The following RANBP2 variants were observed in gnomAD, a reference collection of about 807,000 sequenced individuals.
RANBP2 encodes RAN binding protein 2.
Under a neutral mutation model 303.6 loss-of-function variants are expected in RANBP2, and 57 were observed. The observed-to-expected ratio is 0.19, with a 90% CI of 0.15 to 0.23. The LOEUF (loss-of-function observed/expected upper bound fraction) is 0.23, where lower values mean the gene tolerates loss of function less well. Ranked by LOEUF, RANBP2 falls within the 10% of genes least tolerant of loss-of-function variation. RANBP2 has a pLI of 1.00. For synonymous variants in RANBP2, 1,167 were observed against 1,301.5 expected, an observed-to-expected ratio of 0.90 and a Z score of 2.23; for missense variants, 3,138 against 3,780.8, an observed-to-expected ratio of 0.83 and a Z score of 4.46.
At chr2:108,738,202 A>C (rs1436971775) in intron 6 of RANBP2, among the ~76,000 whole-genome samples, 2 of 151,210 alleles carry the variant, frequency 1.3e-5, no homozygotes, top group African/African-American at 2.4e-5. Context: ...CAGCCTCCCA[A>C]GTAGCTGGGC....
chr2:109,497,661 G>T, the RANBP2 span, among the ~76,000 whole-genome samples: 1 of 152,184 alleles, frequency 6.6e-6, no homozygotes, highest in East Asian at 1.9e-4. Context: ...TTACTTTCCT[G>T]CAGCAGGAAG....
the RANBP2 span, among the ~76,000 whole-genome samples, chr2:108,907,060 A>G: frequency 5.3e-5 from 8 of 152,338 alleles, no homozygotes; most frequent in African/African-American, 1.4e-4. Context: ...CAGGGAGCCC[A>G]AGAGGGCTCT....
the RANBP2 span, among the ~76,000 whole-genome samples, chr2:109,374,473 C>G: frequency 6.6e-6 from 1 of 152,188 alleles, no homozygotes; most frequent in Non-Finnish European, 1.5e-5. Context: ...CTGGTTTGGC[C>G]CAAACTGCTT....
the RANBP2 span, chr2:109,593,052 A>G: frequency 6.3e-7 from 1 of 1,583,442 alleles, no homozygotes; most frequent in Non-Finnish European, 8.6e-7. Context: ...CATACTCACT[A>G]TCTGTTCATC....
At chr2:109,031,934 C>T in the RANBP2 span, among the ~76,000 whole-genome samples, 2 of 139,894 alleles carry the variant, frequency 1.4e-5, no homozygotes, top group Admixed American at 7.3e-5. Flanking sequence ...TCCGTTCACT[C>T]TCTTTGACCT....
At chr2:109,173,134 T>A in the RANBP2 span, among the ~76,000 whole-genome samples, 5 of 152,266 alleles carry the variant, frequency 3.3e-5, no homozygotes, top group East Asian at 1.9e-4. Flanking sequence ...ACTCAAATTT[T>A]AAAAATTTGT....
At chr2:109,612,575 A>G in the RANBP2 span, among the ~76,000 whole-genome samples, 2 of 152,250 alleles carry the variant, frequency 1.3e-5, no homozygotes, top group African/African-American at 4.8e-5. Flanking sequence ...CCTCAAAGCA[A>G]ATTAAGTACA....
the RANBP2 span, among the ~76,000 whole-genome samples, chr2:109,193,830 C>T: frequency 1.3e-5 from 2 of 152,164 alleles, no homozygotes; most frequent in Non-Finnish European, 2.9e-5. Context: ...TACCCAGCAC[C>T]TGATTTAAGT....
chr2:109,104,860 C>G, the RANBP2 span, among the ~76,000 whole-genome samples: 3 of 152,158 alleles, frequency 2.0e-5, no homozygotes, highest in African/African-American at 7.2e-5. Context: ...TTGCTGTTGA[C>G]TAGATACAGT....
chr2:109,536,329 A>T, the RANBP2 span, among the ~76,000 whole-genome samples: 1 of 152,156 alleles, frequency 6.6e-6, no homozygotes, highest in Non-Finnish European at 1.5e-5. Context: ...ATGGGAACCC[A>T]CCTCTTGCAT....
the RANBP2 span, among the ~76,000 whole-genome samples, chr2:109,429,036 G>A: frequency 6.6e-6 from 1 of 152,176 alleles, no homozygotes; most frequent in Non-Finnish European, 1.5e-5. Context: ...ACTCACAGAC[G>A]TTGGTGAGAA....
At chr2:109,345,158 GTC>G in the RANBP2 span, among the ~76,000 whole-genome samples, 2 of 152,196 alleles carry the variant, frequency 1.3e-5, no homozygotes, top group African/African-American at 2.4e-5. Context: ...AGATGCCTCA[GTC>G]TCTCTGGCTC....
At chr2:109,288,333 C>G in the RANBP2 span, among the ~76,000 whole-genome samples, 1 of 152,258 alleles carries the variant, frequency 6.6e-6, no homozygotes, top group East Asian at 1.9e-4. Context: ...GGGAGTTGCC[C>G]ATAGTTCTTA....
the RANBP2 span, among the ~76,000 whole-genome samples, chr2:108,981,029 C>T: frequency 0.025 from 3,866 of 152,280 alleles, 96 homozygotes; most frequent in African/African-American, 0.063. Context: ...AAACTCAGCC[C>T]GTGAGTGCAT....
chr2:109,652,223 G>GTTTTTT, the RANBP2 span, among the ~76,000 whole-genome samples: 1 of 144,422 alleles, frequency 6.9e-6, no homozygotes, highest in African/African-American at 2.8e-5. Flanking sequence ...AAGGATTTTT[G>GTTTTTT]TTTGTTTTTT....
the RANBP2 span, among the ~76,000 whole-genome samples, chr2:109,439,201 A>AACCATGAGGGT: frequency 6.6e-6 from 1 of 152,288 alleles, no homozygotes; most frequent in South Asian, 2.1e-4. Flanking sequence ...TCACCATAGT[A>AACCATGAGGGT]ACCATGAGGG....
intron 1 of RANBP2, among the ~76,000 whole-genome samples, chr2:108,721,822 G>A (rs57894922): frequency 4.3e-4 from 65 of 152,226 alleles, no homozygotes; most frequent in African/African-American, 1.5e-3. Flanking sequence ...GCTCACTGCA[G>A]CGTTGACGTC....
chr2:108,766,332 G>A lies in RANBP2; in HGVS notation c.5793G>A (p.Lys1931=), dbSNP rs770939929. Residue 1931 remains lysine, a synonymous_variant, in exon 20 of 29, where the codon AAG becomes AAA. Transcript: ENST00000283195. ...GFQAQDISGQ[K]NGRGVIFGQT... is the part of the protein sequence containing the mutation. The stretch of plus-strand genomic sequence containing the variant: ...AGGCTCAGGATATTAGTGGCCAGAA[G>A]AATGGCCGTGGTGTGATTTTTGGCC... 6.2e-7 allele frequency: 1 copy of A among 1,611,992 alleles called. No individual in the cohort carries two copies.
chr2:109,159,171 C>T, the RANBP2 span, among the ~76,000 whole-genome samples: 1 of 152,186 alleles, frequency 6.6e-6, no homozygotes, highest in Non-Finnish European at 1.5e-5. Context: ...GAGAAGGGGA[C>T]TCAGGTACAG....
Sources: allele counts gnomAD v4.1 joint callset (sites outside exome capture counted in the v4.1 genomes callset), GRCh38; gene constraint gnomAD v4.1.1; transcripts MANE v1.5; gene names NCBI Gene and HGNC (gene_info 2026-07-23, HGNC 2026-07-21).